Variants in NRXN1 observed in about 807,000 individuals in gnomAD.
NRXN1 encodes neurexin 1.
Under a neutral mutation model 150.9 loss-of-function variants are expected in NRXN1, and 39 were observed. The ratio of observed to expected loss-of-function variants is 0.26; its 90% CI spans 0.20 to 0.34. NRXN1 has a LOEUF of 0.34. NRXN1 is among the 10% of genes least tolerant of loss of function. NRXN1 has a pLI of 1.00. For synonymous variants in NRXN1, 924 were observed against 757.0 expected (o/e 1.22, Z -3.62); for missense variants, 1,815 against 1,949.9 (o/e 0.93, Z 1.30).
chr2:50,902,378 G>A (rs1239900218), intron 5 of NRXN1, among the ~76,000 whole-genome samples: 3 of 150,390 alleles, frequency 2.0e-5, no homozygotes, highest in East Asian at 2.0e-4. Flanking sequence ...AAGTTTTCTC[G>A]GGAACTGAAA....
chr2:50,463,728 A>G (rs975375069), intron 17 of NRXN1, among the ~76,000 whole-genome samples: 2 of 151,804 alleles, frequency 1.3e-5, no homozygotes, highest in South Asian at 2.1e-4. Flanking sequence ...TTTAACTGGT[A>G]TATGAGGATA....
intron 22 of NRXN1, among the ~76,000 whole-genome samples, chr2:49,939,012 C>T (rs1294211349): frequency 1.3e-5 from 2 of 152,016 alleles, no homozygotes; most frequent in South Asian, 4.2e-4. Flanking sequence ...ATTTCAAAGA[C>T]ATTTTATAAA....
intron 17 of NRXN1, among the ~76,000 whole-genome samples, chr2:50,295,125 CT>C (rs1459959007): frequency 1.3e-5 from 2 of 152,156 alleles, no homozygotes; most frequent in African/African-American, 4.8e-5. Context: ...CCTGTTTCTG[CT>C]TTCTATGCCC....
At chr2:50,350,617 G>C (rs748143345) in intron 17 of NRXN1, among the ~76,000 whole-genome samples, 5 of 152,176 alleles carry the variant, frequency 3.3e-5, no homozygotes, top group Non-Finnish European at 7.4e-5. Context: ...GAATGGATAA[G>C]GCTGGGACTT....
chr2:51,003,757 G>T (rs912102816), intron 2 of NRXN1, among the ~76,000 whole-genome samples: 2 of 151,878 alleles, frequency 1.3e-5, no homozygotes, highest in East Asian at 2.0e-4. Flanking sequence ...CAAAGGAGAG[G>T]GGGAGGAAGG....
intron 22 of NRXN1, among the ~76,000 whole-genome samples, chr2:49,937,489 C>G (rs1671253332): frequency 6.6e-6 from 1 of 152,134 alleles, no homozygotes; most frequent in Non-Finnish European, 1.5e-5. Flanking sequence ...CTACTTTAAC[C>G]ATGTACTACT....
chr2:50,045,489 C>T (rs766500435), intron 21 of NRXN1, among the ~76,000 whole-genome samples: 10 of 152,076 alleles, frequency 6.6e-5, no homozygotes, highest in East Asian at 1.9e-4. Context: ...GGACTACAGG[C>T]GCGTGCCACC....
At chr2:51,017,130 T>C (rs575287054) in intron 2 of NRXN1, among the ~76,000 whole-genome samples, 1 of 152,006 alleles carries the variant, frequency 6.6e-6, no homozygotes, top group Non-Finnish European at 1.5e-5. Context: ...GGGAGGGATA[T>C]CATTAGGAGA....
chr2:49,938,873 G>A (rs978193288), intron 22 of NRXN1, among the ~76,000 whole-genome samples: 5 of 152,138 alleles, frequency 3.3e-5, no homozygotes, highest in African/African-American at 1.2e-4. Context: ...GGAGTTTTCA[G>A]AAAGGGTTCT....
chr2:50,909,279 G>T (rs573384656), intron 5 of NRXN1, among the ~76,000 whole-genome samples: 1 of 151,936 alleles, frequency 6.6e-6, no homozygotes, highest in Admixed American at 6.6e-5. Flanking sequence ...ACTTTATGAG[G>T]TAACAAGGTA....
intron 10 of NRXN1, among the ~76,000 whole-genome samples, chr2:50,532,398 A>C (rs2093141382): frequency 6.6e-6 from 1 of 152,144 alleles, no homozygotes; most frequent in Non-Finnish European, 1.5e-5. Flanking sequence ...AACTAGGCCA[A>C]TACTTTACCA....
intron 5 of NRXN1, among the ~76,000 whole-genome samples, chr2:50,751,710 C>T (rs1700615693): frequency 6.6e-6 from 1 of 151,910 alleles, no homozygotes; most frequent in South Asian, 2.1e-4. Flanking sequence ...CTCTGTTCAG[C>T]TTTCAAACAG....
chr2:50,660,052 A>G (rs1367265344), intron 5 of NRXN1, among the ~76,000 whole-genome samples: 1 of 152,036 alleles, frequency 6.6e-6, no homozygotes, highest in Non-Finnish European at 1.5e-5. Flanking sequence ...TTCAGGGGGC[A>G]CTAAACAAAT....
At chr2:50,358,416 G>A (rs2078970838) in intron 17 of NRXN1, among the ~76,000 whole-genome samples, 1 of 152,180 alleles carries the variant, frequency 6.6e-6, no homozygotes, top group Non-Finnish European at 1.5e-5. Context: ...CACCATTACT[G>A]AGGCTTGAGT....
intron 17 of NRXN1, among the ~76,000 whole-genome samples, chr2:50,359,446 G>T (rs1263196260): frequency 6.6e-5 from 10 of 151,530 alleles, no homozygotes; most frequent in African/African-American, 2.4e-4. Context: ...CAGAGCACGA[G>T]AACTTCGTGA....
intron 15 of NRXN1, among the ~76,000 whole-genome samples, chr2:50,480,483 T>A (rs1362299658): frequency 1.3e-5 from 2 of 152,184 alleles, no homozygotes; most frequent in Non-Finnish European, 2.9e-5. Flanking sequence ...TCCAGACTCA[T>A]CTGCTCTGTT....
At chr2:50,719,335 AAAAC>A (rs1696306837) in intron 5 of NRXN1, among the ~76,000 whole-genome samples, 1 of 152,084 alleles carries the variant, frequency 6.6e-6, no homozygotes, top group African/African-American at 2.4e-5. Context: ...ATTAAAAAAA[AAAAC>A]AAGTATTTCT....
intron 5 of NRXN1, chr2:50,918,408 T>C: frequency 3.2e-6 from 1 of 311,434 alleles, no homozygotes; most frequent in Non-Finnish European, 5.9e-6. Flanking sequence ...GAGCTTACAC[T>C]CTACTAGGAA....
In NRXN1 at chr2:50,001,516, C is replaced by T. The variant is rs369305286; in HGVS notation, c.4128+51755G>A. ...CCACAGAATGTGTTAAGAAGATAGA[C>T]TCTGGGGCCAAATTATCGCATTCAC... is the stretch of plus-strand genomic sequence containing the variant. On this transcript the variant is annotated intron_variant, in intron 21 of 22. Coordinates refer to ENST00000401669, the MANE Select transcript of NRXN1 (RefSeq NM_001330078.2). Among the ~76,000 whole-genome samples the T allele has an allele frequency of 2.9e-4, 44 of 152,200 alleles. No individual in the cohort carries two copies. The East Asian group carries it at 3.5e-3, about 12-fold the overall frequency.
Sources: allele counts gnomAD v4.1 joint callset (sites outside exome capture counted in the v4.1 genomes callset), GRCh38; gene constraint gnomAD v4.1.1; transcripts MANE v1.5; gene names NCBI Gene and HGNC (gene_info 2026-07-23, HGNC 2026-07-21).